ZNF215: variants seen among roughly 807,000 people sequenced by gnomAD.
ZNF215 encodes the protein zinc finger protein 215, also known as BWSCR2-associated zinc finger protein 2.
In ZNF215, 24 loss-of-function variants were observed where a neutral mutation model predicts 27.2. The observed-to-expected ratio is 0.88, with a 90% CI of 0.64 to 1.24. ZNF215 has a LOEUF of 1.24. Among genes scored for constraint, ZNF215 ranks in the 50% most tolerant of loss-of-function variants. The pLI is 0.00. For synonymous variants in ZNF215, 210 were observed against 204.0 expected (o/e 1.03, Z -0.25); for missense variants, 675 against 605.7 (o/e 1.11, Z -1.20).
chr11:6,984,375 C>T (rs1650648131), exon 6 of ZNF215: 1 of 166,830 alleles, frequency 6.0e-6, no homozygotes, highest in South Asian at 1.3e-4. Flanking sequence ...TCCTAAAGTG[C>T]TGGGATGACA....
At chr11:6,991,150 TG>T (rs1851112123), downstream of ZNF215, among the ~76,000 whole-genome samples, 2 of 152,354 alleles carry the variant, frequency 1.3e-5, no homozygotes, top group South Asian at 4.1e-4. Flanking sequence ...GCCTGGACTG[TG>T]GGAAAGGGCA....
intron 5 of ZNF215, among the ~76,000 whole-genome samples, chr11:6,965,158 C>T (rs1850594718): frequency 6.6e-6 from 1 of 152,010 alleles, no homozygotes; most frequent in Admixed American, 6.6e-5. Context: ...AGTGAAACTT[C>T]CACACCAAAT....
At chr11:6,949,210 C>T (rs894670007) in intron 6 of ZNF215, among the ~76,000 whole-genome samples, 19 of 151,908 alleles carry the variant, frequency 1.3e-4, no homozygotes, top group East Asian at 1.9e-4. Flanking sequence ...AATAAACATA[C>T]GTGTGCATGT....
rs1344767144 is a variant in ZNF215 at position 6,957,284 on chromosome 11, A to G, written c.*753A>G. ...CAGGGACACTGTGTGGAGTTCGCACACTCTCCCTATGTCTCCGGGTGCTCC... is the reference window on the plus strand; with the variant it reads ...CAGGGACACTGTGTGGAGTTCGCACGCTCTCCCTATGTCTCCGGGTGCTCC... On this transcript the variant is annotated 3_prime_UTR_variant, in exon 7 of 7. Coordinates refer to ENST00000278319, the MANE Select transcript of ZNF215 (RefSeq NM_013250.4). 2.9e-6 allele frequency: 2 copies of G among 700,782 alleles called. No individual in the cohort carries two copies. The highest frequency in any genetic ancestry group is 3.9e-5 in the African/African-American group (2 of 51,752). 43.4% of individuals were successfully genotyped at this position (700,782 alleles called of 1,614,324 possible). A position where few individuals can be genotyped will look rare whatever the true frequency, so the allele number is the denominator to read the frequency against.
At chr11:6,950,106 A>G (rs1280252652) in intron 6 of ZNF215, among the ~76,000 whole-genome samples, 3 of 151,692 alleles carry the variant, frequency 2.0e-5, no homozygotes, top group Non-Finnish European at 2.9e-5. Context: ...CTGTTTTGGT[A>G]CCAGTATCAT....
In ZNF215 at chr11:6,943,225, A is replaced by C; in HGVS notation, c.616+10A>C. The stretch of plus-strand genomic sequence containing the variant: ...AATTCATTGCGTAAAGGTGGTTTCT[A>C]TATGTTTACCTAATCTGTCCATTTA... On this transcript the variant is annotated intron_variant, in intron 5 of 6. Transcript: ENST00000278319. The C allele has an allele frequency of 6.2e-7, 1 of 1,607,502 alleles. No individual in the cohort carries two copies. The highest frequency in any genetic ancestry group is 8.5e-7 in the Non-Finnish European group (1 of 1,177,602).
chr11:6,975,467 A>C (rs1470133538), intron 5 of ZNF215, among the ~76,000 whole-genome samples: 1 of 151,892 alleles, frequency 6.6e-6, no homozygotes, highest in Admixed American at 6.6e-5. Flanking sequence ...AGGTCATATT[A>C]TTCTATTTTT....
chr11:6,959,782 G>A (rs1169858363), downstream of ZNF215, among the ~76,000 whole-genome samples: 3 of 152,218 alleles, frequency 2.0e-5, no homozygotes, highest in East Asian at 3.9e-4. Flanking sequence ...AAATAGCTGT[G>A]ACCATTTTTT....
In ZNF215 at chr11:6,958,024, A is replaced by G. The variant is rs571841891; in HGVS notation, c.*1493A>G. 4.9e-5 allele frequency: 48 copies of G among 985,428 alleles called. No individual in the cohort carries two copies. Among genetic ancestry groups the G allele is most frequent in the Middle Eastern group, 1.0e-3 (2 of 1,914 alleles). The allele number at this position is 985,428 out of a possible 1,614,324, so 61.0% of individuals were successfully genotyped here. ...AAAAGGTATACTGGAGTGAACTCCT[A>G]TGATTAAATAATGTCAAAATCTATG... On this transcript the variant is annotated 3_prime_UTR_variant, in exon 7 of 7. Transcript: ENST00000278319.
At chr11:6,969,224 G>A (rs1259056830) in intron 5 of ZNF215, among the ~76,000 whole-genome samples, 1 of 152,040 alleles carries the variant, frequency 6.6e-6, no homozygotes, top group African/African-American at 2.4e-5. Context: ...CAGTGACTTT[G>A]CTTCCAAGGA....
intron 5 of ZNF215, among the ~76,000 whole-genome samples, chr11:6,973,831 C>T (rs544550822): frequency 5.4e-4 from 82 of 152,140 alleles, no homozygotes; most frequent in Admixed American, 3.6e-3. Flanking sequence ...AACTTTTTCC[C>T]ATTCTGTAGG....
intron 5 of ZNF215, among the ~76,000 whole-genome samples, chr11:6,966,352 G>A (rs960049760): frequency 3.3e-5 from 5 of 152,008 alleles, no homozygotes; most frequent in African/African-American, 1.2e-4. Flanking sequence ...ATGAGGATGA[G>A]GATGGAAAAA....
intron 5 of ZNF215, among the ~76,000 whole-genome samples, chr11:6,973,729 CTTG>C (rs1451441802): frequency 4.6e-5 from 7 of 152,188 alleles, no homozygotes; most frequent in African/African-American, 1.4e-4. Context: ...CCTTCACCCA[CTTG>C]TTGATGGGGT....
intron 5 of ZNF215, among the ~76,000 whole-genome samples, chr11:6,973,211 A>G (rs1310893526): frequency 6.6e-6 from 1 of 152,082 alleles, no homozygotes; most frequent in Admixed American, 6.5e-5. Context: ...CCATGTCCCT[A>G]CAAAGGACAT....
intron 6 of ZNF215, among the ~76,000 whole-genome samples, chr11:6,951,772 C>T (rs1349989578): frequency 6.6e-6 from 1 of 152,086 alleles, no homozygotes; most frequent in African/African-American, 2.4e-5. Context: ...TTGCCTTCTG[C>T]TAGCTTTTGA....
At chr11:6,986,437 C>T (rs1386801532), downstream of ZNF215, among the ~76,000 whole-genome samples, 3 of 152,022 alleles carry the variant, frequency 2.0e-5, no homozygotes, top group South Asian at 4.1e-4. Flanking sequence ...TAGATGAAAA[C>T]CTAGGAAACA....
chr11:6,993,728 TAC>T (rs1360580020), downstream of ZNF215, among the ~76,000 whole-genome samples: 2 of 152,218 alleles, frequency 1.3e-5, no homozygotes, highest in African/African-American at 4.8e-5. Context: ...AGATTTTATA[TAC>T]AGTTTAACCT....
intron 2 of ZNF215, among the ~76,000 whole-genome samples, chr11:6,928,928 G>A (rs1849158810): frequency 6.6e-6 from 1 of 152,072 alleles, no homozygotes; most frequent in East Asian, 1.9e-4. Context: ...TTTTCAGTCT[G>A]TTGTATTGAC....
chr11:6,937,335 G>T (rs1849472021), intron 3 of ZNF215, among the ~76,000 whole-genome samples: 1 of 151,780 alleles, frequency 6.6e-6, no homozygotes, highest in South Asian at 2.1e-4. Flanking sequence ...AGAGGTGTAG[G>T]ACTTGTCTGC....
Sources: gnomAD v4.1 joint callset for allele counts (sites outside exome capture counted in the v4.1 genomes callset) on GRCh38, gnomAD v4.1.1 for gene constraint, MANE v1.5 for transcripts, NCBI Gene and HGNC (gene_info 2026-07-23, HGNC 2026-07-21) for gene names.